The following XIRP2 variants were observed in gnomAD, a reference collection of about 807,000 sequenced individuals.
XIRP2 encodes xin actin binding repeat containing 2.
A neutral mutation model predicts 277.0 loss-of-function variants in XIRP2; 236 were observed. The ratio of observed to expected loss-of-function variants is 0.85; its 90% CI spans 0.77 to 0.95. The LOEUF (loss-of-function observed/expected upper bound fraction) is 0.95. Among genes scored for constraint, XIRP2 ranks in the 40% least tolerant of loss-of-function variants. XIRP2 has a pLI of 0.00. For missense variants in XIRP2, 4,640 were observed against 4,157.5 expected, an observed-to-expected ratio of 1.12 and a Z score of -3.19; for synonymous variants, 1,490 against 1,416.5, an observed-to-expected ratio of 1.05 and a Z score of -1.17.
chr2:167,246,697 C>T lies in XIRP2; in HGVS notation c.5305C>T (p.Leu1769=). 2 of 1,613,608 alleles carry T rather than the reference C, an allele frequency of 1.2e-6. No individual in the cohort carries two copies. Among genetic ancestry groups the T allele is most frequent in the East Asian group, 2.2e-5 (1 of 44,820 alleles). The change falls in exon 9 of 11, where the codon CTG becomes TTG. Residue 1769 remains leucine, a synonymous_variant. Coordinates refer to ENST00000409195, the MANE Select transcript of XIRP2 (RefSeq NM_152381.6). ...KQLHTESNET[L]TAKKQEGEKE... ...ACTCCACACAGAGTCAAATGAAACA[C>T]TGACAGCTAAGAAACAAGAAGGAGA...
chr2:166,946,968 T>G (rs551180103), intron 2 of XIRP2, among the ~76,000 whole-genome samples: 1 of 152,232 alleles, frequency 6.6e-6, no homozygotes, highest in South Asian at 2.1e-4. Flanking sequence ...GTGAAATAGT[T>G]CAAAAACAAT....
intron 3 of XIRP2, among the ~76,000 whole-genome samples, chr2:167,137,492 G>A (rs1691588664): frequency 6.6e-6 from 1 of 151,982 alleles, no homozygotes; most frequent in Non-Finnish European, 1.5e-5. Flanking sequence ...CTTAGCATAG[G>A]GAGGCAAAAA....
chr2:167,252,019 A>G (rs1695526381), intron 9 of XIRP2, 72 bp downstream of exon 9: 2 of 1,503,518 alleles, frequency 1.3e-6, no homozygotes, highest in Admixed American at 2.3e-5. Flanking sequence ...AAAATGATGT[A>G]CAGTTAAAAA....
chr2:167,188,334 T>C (rs1164321577), intron 3 of XIRP2, among the ~76,000 whole-genome samples: 10 of 152,180 alleles, frequency 6.6e-5, no homozygotes, highest in Admixed American at 6.5e-4. Flanking sequence ...ACAGAATCTC[T>C]TAAGACACCA....
chr2:167,111,560 G>A (rs1690755785), intron 2 of XIRP2, among the ~76,000 whole-genome samples: 1 of 152,108 alleles, frequency 6.6e-6, no homozygotes, highest in Non-Finnish European at 1.5e-5. Flanking sequence ...TTAATATGCT[G>A]CTGGATTTGG....
intron 2 of XIRP2, among the ~76,000 whole-genome samples, chr2:167,078,136 C>T (rs1245051033): frequency 5.3e-5 from 8 of 152,146 alleles, no homozygotes; most frequent in Non-Finnish European, 7.3e-5. Context: ...CATTTGTCTG[C>T]GTCATCTATA....
intron 3 of XIRP2, among the ~76,000 whole-genome samples, chr2:167,136,547 C>T (rs1691558090): frequency 6.6e-6 from 1 of 152,132 alleles, no homozygotes; most frequent in Admixed American, 6.6e-5. Context: ...AAGAGTGTTA[C>T]ATTTTAGACA....
intron 3 of XIRP2, among the ~76,000 whole-genome samples, chr2:167,142,797 A>G (rs1381887860): frequency 2.6e-5 from 4 of 152,176 alleles, no homozygotes; most frequent in Admixed American, 2.6e-4. Context: ...AAGTTTGATG[A>G]CAGGTATTGG....
At chr2:167,014,665 A>G (rs377368913) in intron 2 of XIRP2, among the ~76,000 whole-genome samples, 30 of 151,928 alleles carry the variant, frequency 2.0e-4, no homozygotes, top group African/African-American at 7.0e-4. Context: ...CTCAGAGTTA[A>G]AGCTGTGAAA....
chr2:166,931,433 T>G (rs1019823800), intron 2 of XIRP2, among the ~76,000 whole-genome samples: 1 of 152,174 alleles, frequency 6.6e-6, no homozygotes, highest in Non-Finnish European at 1.5e-5. Context: ...CAATAGCACC[T>G]TACCCATAGG....
Position 167,245,718 on chromosome 2 carries a change from T to A in XIRP2, c.4326T>A (p.Asn1442Lys), listed in dbSNP as rs1434833525. The stretch of plus-strand genomic sequence containing the variant: ...ACTATATACGAACAGTAAGTGTCAA[T>A]GAAATACAAAAGGGCAATGTTAAAA... ...KNNYIRTVSVNEIQKGNVKTS... is the reference protein window; with the variant it reads ...KNNYIRTVSVKEIQKGNVKTS... Residue 1442 changes from asparagine to lysine, a missense_variant, in exon 9 of 11, where the codon AAT (asparagine) becomes AAA (lysine). Asn to Lys is a moderately conservative substitution (Grantham distance 94). Coordinates refer to ENST00000409195, the MANE Select transcript of XIRP2 (RefSeq NM_152381.6). The A allele has an allele frequency of 6.2e-7, 1 of 1,613,632 alleles. No homozygotes were observed. The highest frequency in any genetic ancestry group is 8.5e-7 in the Non-Finnish European group (1 of 1,179,732).
intron 2 of XIRP2, among the ~76,000 whole-genome samples, chr2:167,066,543 G>C (rs1471972745): frequency 6.6e-6 from 1 of 151,986 alleles, no homozygotes; most frequent in Non-Finnish European, 1.5e-5. Context: ...TGGTGCAGCT[G>C]TTATGAAAAA....
At position 167,022,180 on chromosome 2, in the gene XIRP2, C is replaced by G. The variant is rs534328683; in HGVS notation, c.409-113729C>G. 2.0e-5 allele frequency among the ~76,000 whole-genome samples: 3 copies of G among 152,158 alleles called. No individual in the cohort carries two copies. In the South Asian group the frequency reaches 6.2e-4, roughly 32 times the overall value. ...CGTTAAGGAAGAATATCTTTACAAA[C>G]TATACATTGTAATGTATGAAATTGT... On this transcript the variant is annotated intron_variant, in intron 2 of 10. Coordinates refer to ENST00000409195, the MANE Select transcript of XIRP2 (RefSeq NM_152381.6).
At chr2:167,006,961 A>G (rs1687519023) in intron 2 of XIRP2, among the ~76,000 whole-genome samples, 2 of 151,838 alleles carry the variant, frequency 1.3e-5, no homozygotes, top group Admixed American at 6.6e-5. Context: ...GGAACAATGA[A>G]GAAGACTTCA....
At chr2:167,109,027 C>T (rs1690680071) in intron 2 of XIRP2, among the ~76,000 whole-genome samples, 1 of 152,008 alleles carries the variant, frequency 6.6e-6, no homozygotes, top group Non-Finnish European at 1.5e-5. Context: ...CTCCCACCCT[C>T]TACCCTCAAG....
At chr2:167,017,109 C>G (rs1687847244) in intron 2 of XIRP2, among the ~76,000 whole-genome samples, 1 of 151,858 alleles carries the variant, frequency 6.6e-6, no homozygotes, top group Non-Finnish European at 1.5e-5. Context: ...CCAAATAATT[C>G]AGGGATTAGT....
chr2:166,943,900 T>G (rs886695554), intron 2 of XIRP2, among the ~76,000 whole-genome samples: 8 of 152,214 alleles, frequency 5.3e-5, no homozygotes, highest in African/African-American at 1.7e-4. Flanking sequence ...GGGTTTGATT[T>G]CATGTCTGCT....
In XIRP2 at chr2:167,243,397, A is replaced by G. The variant is rs1695136652; in HGVS notation, c.2005A>G (p.Met669Val). Residue 669 changes from methionine (M) to valine (V), a missense_variant, in exon 9 of 11, where the codon ATG becomes GTG. Physicochemically the swap from Met to Val is conservative, Grantham distance 21. Transcript: ENST00000409195. ...AAGGCCATTGGACTCAATGAATAAA[A>G]TGCATCAAAGTCAAGAAGAATCAGC... ...ETRPLDSMNK[M>V]HQSQEESAVT... The G allele has an allele frequency of 1.2e-6, 2 of 1,613,956 alleles. No individual in the cohort carries two copies. The highest frequency in any genetic ancestry group is 2.2e-5 in the South Asian group (2 of 91,058).
chr2:166,913,317 C>CT (rs551772174), intron 2 of XIRP2, among the ~76,000 whole-genome samples: 8 of 132,140 alleles, frequency 6.1e-5, no homozygotes, highest in Non-Finnish European at 1.0e-4. Flanking sequence ...GGCACCCCCC[C>CT]CCCCCAGCCT....
Sources: gnomAD v4.1 joint callset for allele counts (sites outside exome capture counted in the v4.1 genomes callset) on GRCh38, gnomAD v4.1.1 for gene constraint, MANE v1.5 for transcripts, NCBI Gene and HGNC (gene_info 2026-07-23, HGNC 2026-07-21) for gene names.